The following FBXO42 variants were observed in gnomAD, a reference collection of about 807,000 sequenced individuals.
FBXO42 encodes the protein F-box only protein 42.
A neutral mutation model predicts 71.7 loss-of-function variants in FBXO42; 12 were observed. The ratio of observed to expected loss-of-function variants is 0.17; its 90% confidence interval spans 0.11 to 0.27. The LOEUF (loss-of-function observed/expected upper bound fraction) is 0.27, where lower values mean the gene tolerates loss of function less well. Among genes scored for constraint, FBXO42 ranks in the 10% least tolerant of loss-of-function variants. The probability of loss-of-function intolerance (pLI) is 1.00; values close to 1 mark genes in which losing one functional copy is unlikely to be tolerated. For synonymous variants in FBXO42, 325 were observed against 327.5 expected, an observed-to-expected ratio of 0.99 and a Z score of 0.08; for missense variants, 707 against 911.9, an observed-to-expected ratio of 0.78 and a Z score of 2.89.
At chr1:16,282,551 A>G (rs1430416667) in intron 4 of FBXO42, among the ~76,000 whole-genome samples, 6 of 142,520 alleles carry the variant, frequency 4.2e-5, no homozygotes, top group Non-Finnish European at 9.4e-5. Flanking sequence ...AAAAAAAAAA[A>G]TGCTGATCCA....
intron 4 of FBXO42, among the ~76,000 whole-genome samples, chr1:16,274,337 GA>G (rs1250268004): frequency 6.6e-6 from 1 of 151,492 alleles, no homozygotes; most frequent in East Asian, 1.9e-4. Flanking sequence ...GAAAAGAAAA[GA>G]AAAAAAGAAC....
intron 1 of FBXO42, among the ~76,000 whole-genome samples, chr1:16,343,350 C>T (rs972401102): frequency 2.4e-4 from 36 of 151,892 alleles, no homozygotes; most frequent in Non-Finnish European, 5.0e-4. Context: ...TCCAGACCAG[C>T]GTGGGCAACA....
chr1:16,331,076 C>A (rs935034100), intron 1 of FBXO42, among the ~76,000 whole-genome samples: 3 of 149,644 alleles, frequency 2.0e-5, no homozygotes, highest in African/African-American at 7.4e-5. Context: ...GCCAAGACAG[C>A]GCCACTGTAC....
chr1:16,257,091 C>T (rs2081654376), intron 4 of FBXO42, among the ~76,000 whole-genome samples: 1 of 152,186 alleles, frequency 6.6e-6, no homozygotes, highest in African/African-American at 2.4e-5. Context: ...AAGCACCTAA[C>T]ATAATGCCTG....
intron 1 of FBXO42, among the ~76,000 whole-genome samples, chr1:16,323,621 A>G (rs1433578622): frequency 6.8e-6 from 1 of 148,126 alleles, no homozygotes; most frequent in East Asian, 2.0e-4. Context: ...ATATGGTGAG[A>G]CCCCTACTAA....
At chr1:16,318,063 C>T (rs1315061262) in intron 1 of FBXO42, among the ~76,000 whole-genome samples, 1 of 152,052 alleles carries the variant, frequency 6.6e-6, no homozygotes, top group East Asian at 1.9e-4. Context: ...GTACTGGTTA[C>T]ACAGATGTTT....
chr1:16,305,965 C>T (rs1242179684), intron 2 of FBXO42, 46 bp from the exon 3 acceptor site: 9 of 1,259,480 alleles, frequency 7.1e-6, no homozygotes, highest in Non-Finnish European at 9.3e-6. Context: ...CTTAACTTAT[C>T]CATCAAATTA....
intron 4 of FBXO42, chr1:16,292,655 G>A (rs1192785453): frequency 1.3e-5 from 2 of 152,124 alleles, no homozygotes; most frequent in Non-Finnish European, 2.9e-5. Flanking sequence ...CATATTACAG[G>A]GAGAAATAAG....
intron 4 of FBXO42, among the ~76,000 whole-genome samples, chr1:16,263,213 AGCACTTTG>A (rs1322552133): frequency 4.5e-4 from 69 of 151,830 alleles, no homozygotes; most frequent in African/African-American, 1.6e-3. Flanking sequence ...CTGTAATCCC[AGCACTTTG>A]GGAGGCTGAG....
At chr1:16,288,032 G>C (rs570390490) in intron 4 of FBXO42, among the ~76,000 whole-genome samples, 88 of 152,116 alleles carry the variant, frequency 5.8e-4, no homozygotes, top group Non-Finnish European at 8.1e-4. Flanking sequence ...TGTAATCTCA[G>C]CTACTTGGGA....
At chr1:16,286,325 C>T (rs1029079440) in intron 4 of FBXO42, among the ~76,000 whole-genome samples, 12 of 152,224 alleles carry the variant, frequency 7.9e-5, no homozygotes, top group East Asian at 1.9e-4. Flanking sequence ...CTCACAGTTC[C>T]GCATTGCTGG....
intron 4 of FBXO42, among the ~76,000 whole-genome samples, chr1:16,274,458 A>G (rs939816224): frequency 5.9e-5 from 9 of 152,064 alleles, no homozygotes; most frequent in Non-Finnish European, 8.8e-5. Context: ...AAGTTTTCGT[A>G]TCTTGATCTA....
chr1:16,301,250 T>C (rs976818589), intron 3 of FBXO42, among the ~76,000 whole-genome samples: 4 of 152,078 alleles, frequency 2.6e-5, no homozygotes, highest in African/African-American at 7.2e-5. Context: ...GACTTTTCCA[T>C]AGGAAAGATA....
intron 3 of FBXO42, among the ~76,000 whole-genome samples, chr1:16,297,933 T>C (rs2082148498): frequency 7.0e-6 from 1 of 142,894 alleles, no homozygotes; most frequent in Non-Finnish European, 1.5e-5. Flanking sequence ...TGTTAAGAAC[T>C]ACAAATAACA....
Position 16,250,770 on chromosome 1 carries a change from C to T in FBXO42, c.2054G>A (p.Arg685Lys), listed in dbSNP as rs2081582740. 3.7e-6 allele frequency: 6 copies of T among 1,614,234 alleles called. No homozygotes were observed. Among genetic ancestry groups the T allele is most frequent in the Non-Finnish European group, 5.1e-6 (6 of 1,180,048 alleles). ...TCCTCCAAATATGATGAGTTCACCC[C>T]TGCCTTGTACCACGGTATGCAGGCT... Reference protein sequence around the residue: ...ETSLHTVVQGRGELIIFGGLM... With the variant: ...ETSLHTVVQGKGELIIFGGLM... The change falls in exon 10 of 10, where the codon AGG becomes AAG. Residue 685 changes from arginine to lysine, a missense_variant. This residue lies in a region of FBXO42 where 9 missense variants were observed against 31.8 expected (regional missense o/e 0.28). Coordinates refer to ENST00000375592, the MANE Select transcript of FBXO42 (RefSeq NM_018994.3). This position sits in a 1 kb window ranked among gnomAD's most constrained non-coding sequence, Gnocchi z 4.7.
At chr1:16,302,454 G>C (rs2082204893) in intron 3 of FBXO42, among the ~76,000 whole-genome samples, 1 of 152,200 alleles carries the variant, frequency 6.6e-6, no homozygotes, top group Non-Finnish European at 1.5e-5. Context: ...AGAAGGCAAA[G>C]GAGAATCAAG....
chr1:16,335,883 A>C (rs1569940860), intron 1 of FBXO42, among the ~76,000 whole-genome samples: 1 of 151,972 alleles, frequency 6.6e-6, no homozygotes, highest in East Asian at 1.9e-4. Flanking sequence ...AAAAAAAAAA[A>C]AACCTTTTGA....
intron 1 of FBXO42, among the ~76,000 whole-genome samples, chr1:16,332,441 T>C (rs2100611573): frequency 6.6e-6 from 1 of 152,328 alleles, no homozygotes; most frequent in East Asian, 1.9e-4. Flanking sequence ...TGCTATATTG[T>C]GATTTAGTAA....
Position 16,251,390 on chromosome 1 carries a change from T to C in FBXO42, c.1434A>G (p.Ile478Met). 1 of 1,614,120 alleles carries C rather than the reference T, an allele frequency of 6.2e-7. No individual in the cohort carries two copies. The highest frequency in any genetic ancestry group is 8.5e-7 in the Non-Finnish European group (1 of 1,179,976). Residue 478 changes from isoleucine (I) to methionine (M), a missense_variant, in exon 10 of 10, where the codon ATA (isoleucine) becomes ATG (methionine). Around this residue, in one of 5 missense-constraint regions of FBXO42, gnomAD observed 482 missense variants for 587.1 expected, o/e 0.82. Transcript: ENST00000375592. This position sits in a 1 kb window ranked among gnomAD's most constrained non-coding sequence, Gnocchi z 4.5. Reference sequence around the variant, plus strand: ...CTCGTCGGGGGGCCAAAGAAAGTCCTATTTTCAGGTCGTATCCTTCAGGAG... The same window carrying C: ...CTCGTCGGGGGGCCAAAGAAAGTCCCATTTTCAGGTCGTATCCTTCAGGAG... ...PSAPEGYDLK[I>M]GLSLAPRRGS...
Sources: gnomAD v4.1 joint callset for allele counts (sites outside exome capture counted in the v4.1 genomes callset) on GRCh38, gnomAD v4.1.1 for gene constraint, gnomAD v4.1.1 regional missense constraint, Gnocchi (gnomAD v3.1) non-coding constraint, MANE v1.5 for transcripts, NCBI Gene and HGNC (gene_info 2026-07-23, HGNC 2026-07-21) for gene names.